Variants in OR14J1 observed in about 807,000 individuals in gnomAD.
The protein encoded by OR14J1 is olfactory receptor family 14 subfamily J member 1.
For synonymous variants in OR14J1, 140 were observed against 146.7 expected, an observed-to-expected ratio of 0.95 and a Z score of 0.33; for missense variants, 378 against 393.4, an observed-to-expected ratio of 0.96 and a Z score of 0.33.
At chr6:29,305,554 T>G (rs1261482612) in intron 1 of OR14J1, among the ~76,000 whole-genome samples, 1 of 152,106 alleles carries the variant, frequency 6.6e-6, no homozygotes, top group Non-Finnish European at 1.5e-5. Context: ...TGATTGACCT[T>G]TCAACAAATG....
intron 1 of OR14J1, among the ~76,000 whole-genome samples, chr6:29,304,147 C>T (rs1774907300): frequency 6.6e-6 from 1 of 152,076 alleles, no homozygotes; most frequent in South Asian, 2.1e-4. Context: ...ATTGGCAATG[C>T]TACCTCCCAG....
chr6:29,312,143 C>T lies in OR14J1; in HGVS notation c.*4488C>T, dbSNP rs1471942199. 1 of 152,130 alleles carries T rather than the reference C, an allele frequency of 6.6e-6. No homozygotes were observed. Among genetic ancestry groups the T allele is most frequent in the Non-Finnish European group, 1.5e-5 (1 of 68,032 alleles). 9.4% of individuals were successfully genotyped at this position (152,130 alleles called of 1,614,324 possible). A position where few individuals can be genotyped will look rare whatever the true frequency, so the allele number is the denominator to read the frequency against. On this transcript the variant is annotated 3_prime_UTR_variant, in exon 2 of 2. Transcript: ENST00000641895. ...TCTGATCTTAGTTATTTCTTGTCTT[C>T]TGCTAGCTTTTGAATTTGTTTTCTC... is the stretch of plus-strand genomic sequence containing the variant.
Position 29,308,657 on chromosome 6 carries a change from T to C in OR14J1, c.*1002T>C, listed in dbSNP as rs1775285345. The C allele has an allele frequency of 6.6e-6, 1 of 152,210 alleles. No homozygotes were observed. Among genetic ancestry groups the C allele is most frequent in the Non-Finnish European group, 1.5e-5 (1 of 68,040 alleles). The allele number at this position is 152,210 out of a possible 1,614,324, so 9.4% of individuals were successfully genotyped here. A position where few individuals can be genotyped will look rare whatever the true frequency, so the allele number is the denominator to read the frequency against. ...ATTCAATTTTGTGTAATGCTGCAGA[T>C]TTCTTCAAGAAAGACTCATAATTTA... On this transcript the variant is annotated 3_prime_UTR_variant, in exon 2 of 2. Transcript: ENST00000641895.
intron 1 of OR14J1, among the ~76,000 whole-genome samples, chr6:29,303,963 G>C (rs1425656294): frequency 6.6e-6 from 1 of 152,152 alleles, no homozygotes; most frequent in Admixed American, 6.5e-5. Context: ...TTGCGATAGA[G>C]CAAGGTTGAG....
chr6:29,307,504 T>A lies in OR14J1; in HGVS notation c.815T>A (p.Phe272Tyr). Reference protein sequence around the residue: ...SDSSSTVDLVFSVFYTVIPPT... With the variant: ...SDSSSTVDLVYSVFYTVIPPT... Reference sequence around the variant, plus strand: ...TCCTCATCGACTGTGGACCTTGTATTCTCCGTATTCTATACTGTGATACCT... The same window carrying A: ...TCCTCATCGACTGTGGACCTTGTATACTCCGTATTCTATACTGTGATACCT... The change falls in exon 2 of 2, where the codon TTC becomes TAC. Residue 272 changes from phenylalanine (F) to tyrosine (Y), a missense_variant. Physicochemically the swap from Phe to Tyr is conservative, Grantham distance 22 (BLOSUM62 3). Transcript: ENST00000641895. The A allele has an allele frequency of 6.2e-7, 1 of 1,612,980 alleles. No homozygotes were observed. The highest frequency in any genetic ancestry group is 8.5e-7 in the Non-Finnish European group (1 of 1,179,988).
At chr6:29,305,414 T>C (rs941714252) in intron 1 of OR14J1, among the ~76,000 whole-genome samples, 10 of 152,216 alleles carry the variant, frequency 6.6e-5, no homozygotes, top group Non-Finnish European at 8.8e-5. Context: ...AAATCAATTA[T>C]GTAGATATCC....
intron 1 of OR14J1, 50 bp from the exon 2 acceptor site, chr6:29,306,612 A>C: frequency 1.2e-6 from 1 of 824,416 alleles, no homozygotes; most frequent in Admixed American, 2.1e-5. Context: ...ACACACAAAT[A>C]TATTAGATGT....
chr6:29,303,445 A>C (rs1774845829), intron 1 of OR14J1, among the ~76,000 whole-genome samples: 1 of 151,796 alleles, frequency 6.6e-6, no homozygotes, highest in Non-Finnish European at 1.5e-5. Flanking sequence ...ACAAAATAGA[A>C]AGAGTGCATT....
At chr6:29,305,603 T>C (rs1397100574) in intron 1 of OR14J1, among the ~76,000 whole-genome samples, 1 of 152,144 alleles carries the variant, frequency 6.6e-6, no homozygotes, top group Non-Finnish European at 1.5e-5. Flanking sequence ...AAAAATTAGT[T>C]AGCAGAGTGA....
chr6:29,307,723 C>A lies in OR14J1; in HGVS notation c.*68C>A. On this transcript the variant is annotated 3_prime_UTR_variant, in exon 2 of 2. Coordinates refer to ENST00000641895, the MANE Select transcript of OR14J1 (RefSeq NM_030946.2). ...GGAAGAGAGGTGAATCTTATTTCTACCCAGAATGCTCTTCCAAGCTGTCTA... is the reference window on the plus strand; with the variant it reads ...GGAAGAGAGGTGAATCTTATTTCTAACCAGAATGCTCTTCCAAGCTGTCTA... 1.1e-6 allele frequency: 1 copy of A among 898,526 alleles called. No individual in the cohort carries two copies. The highest frequency in any genetic ancestry group is 1.7e-6 in the Non-Finnish European group (1 of 582,118). The allele number at this position is 898,526 out of a possible 1,614,324, so 55.7% of individuals were successfully genotyped here. A position where few individuals can be genotyped will look rare whatever the true frequency, so the allele number is the denominator to read the frequency against.
Position 29,306,753 on chromosome 6 carries a change from C to T in OR14J1, c.64C>T (p.Gln22Ter). The T allele has an allele frequency of 6.2e-7, 1 of 1,613,070 alleles. No individual in the cohort carries two copies. Among genetic ancestry groups the T allele is most frequent in the East Asian group, 2.2e-5 (1 of 44,880 alleles). ...LMGFSDERKL[Q>*]ILHALVFLVT... The stretch of plus-strand genomic sequence containing the variant: ...GGGGTTTTCTGATGAGCGTAAGCTT[C>T]AGATTTTACATGCATTGGTATTTCT... The change falls in exon 2 of 2, where the codon CAG becomes TAG. Residue 22 changes from glutamine (Q) to a stop codon, truncating the protein, a stop_gained. Coordinates refer to ENST00000641895, the MANE Select transcript of OR14J1 (RefSeq NM_030946.2). LOFTEE classifies it low-confidence loss of function (END_TRUNC).
At chr6:29,305,475 G>A (rs1775015239) in intron 1 of OR14J1, among the ~76,000 whole-genome samples, 2 of 152,124 alleles carry the variant, frequency 1.3e-5, no homozygotes, top group Non-Finnish European at 2.9e-5. Flanking sequence ...CTTTGGTCAA[G>A]GGTGAAGAAA....
At position 29,307,312 on chromosome 6, in the gene OR14J1, G is replaced by C; in HGVS notation, c.623G>C (p.Cys208Ser). The C allele has an allele frequency of 6.2e-7, 1 of 1,613,000 alleles. No homozygotes were observed. Among genetic ancestry groups the C allele is most frequent in the Non-Finnish European group, 8.5e-7 (1 of 1,180,020 alleles). ...TTCACAACGTCTGCAGCATTTATCT[G>C]TTTGATCTCCATTGTGCTCTCCTAC... Reference protein sequence around the residue: ...AAFTTSAAFICLISIVLSYIR... With the variant: ...AAFTTSAAFISLISIVLSYIR... Residue 208 changes from cysteine to serine, a missense_variant, in exon 2 of 2, where the codon TGT (cysteine) becomes TCT (serine). Cys to Ser is a moderately radical substitution (Grantham distance 112). Transcript: ENST00000641895.
rs1438082811 is a variant in OR14J1 at position 29,309,157 on chromosome 6, AATG to A, written c.*1506_*1508del. Reference sequence around the variant, plus strand: ...TATGTTCTTGTGTTAGTTTGCTGAGAATGATGGTTTCCAGCTTCATCCATGTCC... The same window carrying A: ...TATGTTCTTGTGTTAGTTTGCTGAGAATGGTTTCCAGCTTCATCCATGTCC... On this transcript the variant is annotated 3_prime_UTR_variant, in exon 2 of 2. Transcript: ENST00000641895. The A allele has an allele frequency of 6.6e-6, 1 of 152,176 alleles. No homozygotes were observed. Among genetic ancestry groups the A allele is most frequent in the African/African-American group, 2.4e-5 (1 of 41,416 alleles). 9.4% of individuals were successfully genotyped at this position (152,176 alleles called of 1,614,324 possible). A position where few individuals can be genotyped will look rare whatever the true frequency, so the allele number is the denominator to read the frequency against.
Position 29,308,951 on chromosome 6 carries a change from G to T in OR14J1, c.*1296G>T, listed in dbSNP as rs1775307758. 1 of 151,766 alleles carries T rather than the reference G, an allele frequency of 6.6e-6. No individual in the cohort carries two copies. The allele number at this position is 151,766 out of a possible 1,614,324, so 9.4% of individuals were successfully genotyped here. ...AGGTTTGTTACGTAGGTATATACAT[G>T]CCATGGTGGTTTGCTGCACCCATCA... On this transcript the variant is annotated 3_prime_UTR_variant, in exon 2 of 2. Coordinates refer to ENST00000641895, the MANE Select transcript of OR14J1 (RefSeq NM_030946.2).
intron 1 of OR14J1, among the ~76,000 whole-genome samples, chr6:29,302,198 G>C (rs1475702044): frequency 2.4e-4 from 3 of 12,334 alleles, no homozygotes; most frequent in African/African-American, 7.8e-4. Context: ...TTTTTTTTTT[G>C]AGACGAGTCT....
At chr6:29,304,681 T>C (rs1006000436) in intron 1 of OR14J1, among the ~76,000 whole-genome samples, 9 of 152,244 alleles carry the variant, frequency 5.9e-5, no homozygotes, top group African/African-American at 2.2e-4. Flanking sequence ...TTATTATCTA[T>C]GTCTTCAAAG....
At chr6:29,304,437 C>T (rs1158592269) in intron 1 of OR14J1, among the ~76,000 whole-genome samples, 1 of 152,080 alleles carries the variant, frequency 6.6e-6, no homozygotes, top group Non-Finnish European at 1.5e-5. Context: ...ATTATACTCT[C>T]CACCAAAAAA....
chr6:29,305,694 C>A lies in OR14J1; in HGVS notation c.-28-968C>A, dbSNP rs147955915. ...TAAAATGAAATAGGAAAAGTTACATCATTTAATCCTCCTAACAATTGTTAC... is the reference window on the plus strand; with the variant it reads ...TAAAATGAAATAGGAAAAGTTACATAATTTAATCCTCCTAACAATTGTTAC... On this transcript the variant is annotated intron_variant, in intron 1 of 1. Transcript: ENST00000641895. Among the ~76,000 whole-genome samples the A allele has an allele frequency of 3.4e-3, 516 of 151,990 alleles. 4 individuals carry two copies. The Middle Eastern group carries it at 0.034, about 10-fold the overall frequency.
Sources: gnomAD v4.1 joint callset for allele counts (sites outside exome capture counted in the v4.1 genomes callset) on GRCh38, gnomAD v4.1.1 for gene constraint, MANE v1.5 for transcripts, NCBI Gene and HGNC (gene_info 2026-07-23, HGNC 2026-07-21) for gene names.